Variants in CNTN6 observed in about 807,000 individuals in gnomAD.
CNTN6 encodes the protein contactin-6.
In CNTN6, 137 loss-of-function variants were observed where a neutral mutation model predicts 122.8. The observed-to-expected ratio is 1.12, with a 90% confidence interval of 0.97 to 1.29. CNTN6 has a LOEUF of 1.29. Ranked by LOEUF, CNTN6 falls within the 50% of genes most tolerant of loss-of-function variation. The pLI, the probability that CNTN6 is intolerant of heterozygous loss-of-function variation, is 0.00. For missense variants in CNTN6, 1,634 were observed against 1,223.4 expected (o/e 1.34, Z -5.01); for synonymous variants, 570 against 426.0 (o/e 1.34, Z -4.16).
chr3:1,319,754 T>C (rs1481722660), intron 7 of CNTN6, among the ~76,000 whole-genome samples: 1 of 151,114 alleles, frequency 6.6e-6, no homozygotes, highest in Non-Finnish European at 1.5e-5. Context: ...TAAAACAATT[T>C]TCTCAGAAAA....
chr3:1,273,389 G>T (rs1171541357), intron 4 of CNTN6, among the ~76,000 whole-genome samples: 1 of 152,170 alleles, frequency 6.6e-6, no homozygotes, highest in Non-Finnish European at 1.5e-5. Flanking sequence ...CCTTGTAGAA[G>T]AATAAATCTA....
chr3:1,293,699 C>T (rs768330432), intron 5 of CNTN6, among the ~76,000 whole-genome samples: 1 of 152,094 alleles, frequency 6.6e-6, no homozygotes, highest in Non-Finnish European at 1.5e-5. Flanking sequence ...AGGGTCCATC[C>T]AACTGAAGAC....
In CNTN6 at chr3:1,275,679, G is replaced by A. The variant is rs540682436; in HGVS notation, c.359-2734G>A. On this transcript the variant is annotated intron_variant, in intron 4 of 22. Transcript: ENST00000446702. ...TAGATGGTGCCATTTGGGGGTGATG[G>A]GAGACAGTGACAGATCATCAGGCAT... Among the ~76,000 whole-genome samples, 3 of 152,242 alleles carry A rather than the reference G, an allele frequency of 2.0e-5. No individual in the cohort carries two copies. In the South Asian group the frequency reaches 6.2e-4, roughly 32 times the overall value.
At chr3:1,154,832 A>G (rs1298867430) in intron 2 of CNTN6, among the ~76,000 whole-genome samples, 2 of 152,132 alleles carry the variant, frequency 1.3e-5, no homozygotes, top group Non-Finnish European at 2.9e-5. Context: ...TCACGAAACA[A>G]TCTGGCTTCT....
At chr3:1,186,170 T>C (rs2093625628) in intron 2 of CNTN6, among the ~76,000 whole-genome samples, 1 of 152,216 alleles carries the variant, frequency 6.6e-6, no homozygotes, top group Non-Finnish European at 1.5e-5. Context: ...AAGTAACTTC[T>C]ATGTATTTAT....
chr3:1,093,983 A>G (rs955058058), intron 1 of CNTN6, among the ~76,000 whole-genome samples: 2 of 152,338 alleles, frequency 1.3e-5, no homozygotes, highest in East Asian at 3.9e-4. Context: ...AGAAACATTC[A>G]CAGAATGACT....
chr3:1,178,768 G>A (rs1335151146), intron 2 of CNTN6, among the ~76,000 whole-genome samples: 1 of 152,146 alleles, frequency 6.6e-6, no homozygotes, highest in African/African-American at 2.4e-5. Flanking sequence ...TAGTTGTGCT[G>A]GGTTTGGGTT....
chr3:1,366,438 A>G (rs988040752), intron 12 of CNTN6, among the ~76,000 whole-genome samples: 8 of 152,118 alleles, frequency 5.3e-5, no homozygotes, highest in African/African-American at 1.9e-4. Context: ...ACTGGCACAT[A>G]TGCACTCTTA....
intron 20 of CNTN6, among the ~76,000 whole-genome samples, chr3:1,393,482 C>T (rs1415093045): frequency 4.9e-5 from 7 of 143,640 alleles, no homozygotes; most frequent in African/African-American, 2.6e-5. Flanking sequence ...GGGTGCAGCG[C>T]ACCAGCATGG....
At chr3:1,189,383 A>C (rs2093670450) in intron 2 of CNTN6, among the ~76,000 whole-genome samples, 1 of 152,218 alleles carries the variant, frequency 6.6e-6, no homozygotes, top group Admixed American at 6.5e-5. Flanking sequence ...ACAAAACATT[A>C]TACATTGTAC....
At chr3:1,352,477 T>C (rs751506739) in intron 12 of CNTN6, 26 bp downstream of exon 12, 4 of 1,607,580 alleles carry the variant, frequency 2.5e-6, no homozygotes, top group South Asian at 1.1e-5. Flanking sequence ...CATTTGTGCT[T>C]GATGAACATT....
At chr3:1,309,479 GCT>G (rs1248133044) in intron 7 of CNTN6, among the ~76,000 whole-genome samples, 1 of 152,084 alleles carries the variant, frequency 6.6e-6, no homozygotes, top group Non-Finnish European at 1.5e-5. Flanking sequence ...TTGTTCCATT[GCT>G]CTGTCTATTC....
chr3:1,246,878 T>G (rs73002344), intron 4 of CNTN6, among the ~76,000 whole-genome samples: 8,928 of 152,158 alleles, frequency 0.059, 341 homozygotes, highest in East Asian at 0.14. Flanking sequence ...ATTTTAATTG[T>G]GTTGTCTTTG....
chr3:1,388,806 G>A (rs1054890351), intron 20 of CNTN6, among the ~76,000 whole-genome samples: 1 of 149,034 alleles, frequency 6.7e-6, no homozygotes, highest in Admixed American at 6.7e-5. Flanking sequence ...TGGAAGAAAG[G>A]GTATCAGCAA....
chr3:1,124,551 A>AG (rs2092086960), intron 1 of CNTN6, among the ~76,000 whole-genome samples: 1 of 151,826 alleles, frequency 6.6e-6, no homozygotes, highest in Non-Finnish European at 1.5e-5. Context: ...GGAGATTGGG[A>AG]GGGACCTGAG....
At chr3:1,124,041 T>C (rs2092063637) in intron 1 of CNTN6, among the ~76,000 whole-genome samples, 1 of 151,968 alleles carries the variant, frequency 6.6e-6, no homozygotes, top group Non-Finnish European at 1.5e-5. Flanking sequence ...CAAATCCCGA[T>C]TGGCCATAAT....
chr3:1,386,375 C>G (rs987792571), intron 20 of CNTN6, among the ~76,000 whole-genome samples: 1 of 152,164 alleles, frequency 6.6e-6, no homozygotes. Flanking sequence ...TTGGAAGTCC[C>G]TGAAATCTAA....
At chr3:1,124,518 G>A (rs1376259496) in intron 1 of CNTN6, among the ~76,000 whole-genome samples, 4 of 151,662 alleles carry the variant, frequency 2.6e-5, no homozygotes, top group African/African-American at 4.8e-5. Context: ...TGATATAATC[G>A]AGTTTGGGGA....
At chr3:1,269,321 C>T (rs1198713200) in intron 4 of CNTN6, among the ~76,000 whole-genome samples, 3 of 152,170 alleles carry the variant, frequency 2.0e-5, no homozygotes, top group African/African-American at 7.2e-5. Context: ...ATCACTAAGC[C>T]TTTTAAGGAA....
Sources: allele counts gnomAD v4.1 joint callset (sites outside exome capture counted in the v4.1 genomes callset), GRCh38; gene constraint gnomAD v4.1.1; transcripts MANE v1.5; gene names NCBI Gene and HGNC (gene_info 2026-07-23, HGNC 2026-07-21).